Variants in DENND5A observed in about 807,000 individuals in gnomAD.
DENND5A encodes the protein DENN domain containing 5A.
Under a neutral mutation model 140.3 loss-of-function variants are expected in DENND5A, and 64 were observed. The ratio of observed to expected loss-of-function variants is 0.46; its 90% CI spans 0.37 to 0.56. The LOEUF (loss-of-function observed/expected upper bound fraction) is 0.56. Ranked by LOEUF, DENND5A falls within the 20% of genes least tolerant of loss-of-function variation. The pLI, the probability that DENND5A is intolerant of heterozygous loss-of-function variation, is 0.00. For missense variants in DENND5A, 1,292 were observed against 1,593.8 expected (o/e 0.81, Z 3.22); for synonymous variants, 605 against 607.7 (o/e 1.00, Z 0.07).
intron 2 of DENND5A, among the ~76,000 whole-genome samples, 189 bp from the exon 3 acceptor site, chr11:9,206,971 T>C (rs1321801520): frequency 6.6e-6 from 1 of 152,202 alleles, no homozygotes; most frequent in African/African-American, 2.4e-5. Flanking sequence ...TGAAAAAGTA[T>C]AGCATGGTTA....
chr11:9,148,467 C>T (rs1466136022), intron 15 of DENND5A, among the ~76,000 whole-genome samples: 3 of 152,084 alleles, frequency 2.0e-5, no homozygotes, highest in African/African-American at 7.2e-5. Context: ...CCATGACCAA[C>T]TTCAGGAAAT....
chr11:9,146,917 TAGAA>T, intron 16 of DENND5A, 109 bp downstream of exon 16: 3 of 1,274,636 alleles, frequency 2.4e-6, no homozygotes, highest in Non-Finnish European at 3.3e-6. Flanking sequence ...AAAAGACAAA[TAGAA>T]AGTACAAGGG....
At chr11:9,222,099 C>T (rs1850339109) in intron 1 of DENND5A, among the ~76,000 whole-genome samples, 1 of 152,048 alleles carries the variant, frequency 6.6e-6, no homozygotes, top group Non-Finnish European at 1.5e-5. Flanking sequence ...ATGCAGGGGT[C>T]TTTTAAGAGG....
rs372145669 is a variant in DENND5A, at chr11:9,165,959, G to A, written c.2160C>T (p.Ile720=). 15 of 1,614,014 alleles carry A rather than the reference G, an allele frequency of 9.3e-6. No individual in the cohort carries two copies. Among genetic ancestry groups the A allele is most frequent in the East Asian group, 8.9e-5 (4 of 44,898 alleles). Residue 720 remains isoleucine (I), a synonymous_variant, in exon 11 of 23, where the codon ATC becomes ATT. Transcript: ENST00000328194. ...RLDNDQREKY[I]QEARTMGSTI... ...TGCTGCCCATAGTCCTGGCTTCCTG[G>A]ATGTACTTCTATATCAAACAGAAAA...
chr11:9,212,574 C>T (rs989056524), intron 1 of DENND5A, among the ~76,000 whole-genome samples: 4 of 151,942 alleles, frequency 2.6e-5, no homozygotes, highest in Non-Finnish European at 4.4e-5. Flanking sequence ...ACTGAAATTA[C>T]TACTGCCTTC....
intron 1 of DENND5A, among the ~76,000 whole-genome samples, chr11:9,210,173 T>G (rs1034436324): frequency 6.6e-5 from 10 of 152,080 alleles, no homozygotes; most frequent in African/African-American, 2.4e-4. Context: ...GCCCACCTCC[T>G]GAAACCTGTG....
At chr11:9,248,332 C>T (rs1851567361) in intron 1 of DENND5A, among the ~76,000 whole-genome samples, 1 of 151,960 alleles carries the variant, frequency 6.6e-6, no homozygotes, top group South Asian at 2.1e-4. Flanking sequence ...CTTATGATCT[C>T]CATTTTAACA....
intron 12 of DENND5A, among the ~76,000 whole-genome samples, chr11:9,157,154 T>C (rs975263056): frequency 6.6e-6 from 1 of 152,184 alleles, no homozygotes; most frequent in African/African-American, 2.4e-5. Context: ...CTAAATGTTA[T>C]GGAAAATGAT....
At chr11:9,169,709 C>T in intron 10 of DENND5A, 147 bp downstream of exon 10, 1 of 541,140 alleles carries the variant, frequency 1.8e-6, no homozygotes, top group Middle Eastern at 3.0e-4. Flanking sequence ...CATTAGATAT[C>T]AGGAACTAGA....
chr11:9,149,300 C>T (rs112136998), intron 15 of DENND5A, among the ~76,000 whole-genome samples: 9,051 of 152,258 alleles, frequency 0.059, 372 homozygotes, highest in South Asian at 0.11. Context: ...AGACTGTCCA[C>T]CTCCTGTCTG....
chr11:9,145,278 C>T, intron 17 of DENND5A, 165 bp from the exon 18 acceptor site: 1 of 618,060 alleles, frequency 1.6e-6, no homozygotes, highest in Non-Finnish European at 2.9e-6. Flanking sequence ...ACAGCACTAT[C>T]TCATGGGGGT....
rs372833612 is a variant in DENND5A at position 9,144,132 on chromosome 11, C to T, written c.3269G>A (p.Arg1090Gln). The T allele has an allele frequency of 1.2e-5, 20 of 1,613,850 alleles. No homozygotes were observed. Among genetic ancestry groups the T allele is most frequent in the South Asian group, 4.4e-5 (4 of 91,066 alleles). The change falls in exon 19 of 23, where the codon CGG (arginine) becomes CAG (glutamine). Residue 1090 changes from arginine (R) to glutamine (Q), a missense_variant. Coordinates refer to ENST00000328194, the MANE Select transcript of DENND5A (RefSeq NM_015213.4). ...GTTGGGTGAGATGGTAACAAGCCTC[C>T]GGATGACACTGGGGGACTGCTGCAG... ...PPLQQSPSVI[R>Q]RLVTISPNNK...
At chr11:9,248,693 G>A (rs2136286062) in intron 1 of DENND5A, among the ~76,000 whole-genome samples, 1 of 151,954 alleles carries the variant, frequency 6.6e-6, no homozygotes, top group South Asian at 2.1e-4. Flanking sequence ...CTGGAATTTA[G>A]TTTTTCAGGT....
At chr11:9,139,934 G>A in intron 22 of DENND5A, 80 bp from the exon 23 acceptor site, 5 of 1,394,756 alleles carry the variant, frequency 3.6e-6, no homozygotes, top group Non-Finnish European at 4.9e-6. Flanking sequence ...GGCCAAGGGG[G>A]AAACCATGAA....
At chr11:9,187,218 CTCT>C (rs1243968716) in intron 5 of DENND5A, among the ~76,000 whole-genome samples, 2 of 152,188 alleles carry the variant, frequency 1.3e-5, no homozygotes, top group East Asian at 3.8e-4. Context: ...TACAGAGGGG[CTCT>C]AGCACACAGA....
At chr11:9,227,619 TTTTG>T (rs1241013361) in intron 1 of DENND5A, among the ~76,000 whole-genome samples, 1 of 152,136 alleles carries the variant, frequency 6.6e-6, no homozygotes, top group Non-Finnish European at 1.5e-5. Flanking sequence ...TAGTTCCATG[TTTTG>T]TTTAATTTCT....
chr11:9,152,112 G>A (rs1216229579), intron 13 of DENND5A, among the ~76,000 whole-genome samples: 4 of 152,180 alleles, frequency 2.6e-5, no homozygotes, highest in Non-Finnish European at 4.4e-5. Flanking sequence ...TCTGAGACTG[G>A]CCTCTTGCCC....
intron 1 of DENND5A, among the ~76,000 whole-genome samples, chr11:9,209,307 T>C (rs1448466822): frequency 6.6e-6 from 1 of 152,158 alleles, no homozygotes; most frequent in African/African-American, 2.4e-5. Flanking sequence ...AGACATGACA[T>C]GCATGTGTGA....
At chr11:9,229,278 T>C (rs949625944) in intron 1 of DENND5A, among the ~76,000 whole-genome samples, 1 of 152,072 alleles carries the variant, frequency 6.6e-6, no homozygotes, top group Non-Finnish European at 1.5e-5. Context: ...CACAGAGACC[T>C]TGGCCAAGTT....
Sources: gnomAD v4.1 joint callset for allele counts (sites outside exome capture counted in the v4.1 genomes callset) on GRCh38, gnomAD v4.1.1 for gene constraint, MANE v1.5 for transcripts, NCBI Gene and HGNC (gene_info 2026-07-23, HGNC 2026-07-21) for gene names.